Variants in GCNT1 observed in about 807,000 individuals in gnomAD.
GCNT1 encodes the protein beta-1,3-galactosyl-O-glycosyl-glycoprotein beta-1,6-N-acetylglucosaminyltransferase.
Under a neutral mutation model 26.2 loss-of-function variants are expected in GCNT1, and 16 were observed. The ratio of observed to expected loss-of-function variants is 0.61; its 90% CI spans 0.41 to 0.93. GCNT1 has a LOEUF of 0.93. Among genes scored for constraint, GCNT1 ranks in the 40% least tolerant of loss-of-function variants. The pLI, the probability that GCNT1 is intolerant of heterozygous loss-of-function variation, is 0.00. For synonymous variants in GCNT1, 183 were observed against 190.8 expected (o/e 0.96, Z 0.34); for missense variants, 477 against 526.7 (o/e 0.91, Z 0.92).
In GCNT1 at chr9:76,502,986, A is replaced by C. The variant is rs573750966; in HGVS notation, c.605A>C (p.Asp202Ala). The change falls in exon 4 of 4, where the codon GAT becomes GCT. Residue 202 changes from aspartate (D) to alanine (A), a missense_variant. Transcript: ENST00000376730. ...RVQADLNCMK[D>A]LYAMSANWKY... Reference sequence around the variant, plus strand: ...CAGGCTGACCTCAACTGCATGAAGGATCTCTATGCAATGAGTGCAAACTGG... The same window carrying C: ...CAGGCTGACCTCAACTGCATGAAGGCTCTCTATGCAATGAGTGCAAACTGG... 2 of 1,612,934 alleles carry C rather than the reference A, an allele frequency of 1.2e-6. No homozygotes were observed. Among genetic ancestry groups the C allele is most frequent in the Non-Finnish European group, 1.7e-6 (2 of 1,179,552 alleles).
upstream of GCNT1, among the ~76,000 whole-genome samples, chr9:76,456,791 G>A (rs1337452051): frequency 6.6e-6 from 1 of 152,118 alleles, no homozygotes; most frequent in Admixed American, 6.5e-5. Flanking sequence ...TGGGCAACAT[G>A]GTGAAACCCT....
chr9:76,443,724 T>C (rs1177814783), intron 1 of GCNT1, among the ~76,000 whole-genome samples: 2 of 152,082 alleles, frequency 1.3e-5, no homozygotes, highest in African/African-American at 4.8e-5. Context: ...CTACTAAAGA[T>C]ACAAAAGCTA....
chr9:76,447,316 T>G (rs980908887), intron 1 of GCNT1, among the ~76,000 whole-genome samples: 2 of 151,926 alleles, frequency 1.3e-5, no homozygotes, highest in East Asian at 1.9e-4. Context: ...CACCACTCAC[T>G]GCAGCCTCAA....
chr9:76,502,700 C>A lies in GCNT1; in HGVS notation c.319C>A (p.Arg107Ser). The stretch of plus-strand genomic sequence containing the variant: ...TGACTGTTCTTCTTTCATCAAGAGA[C>A]GCAAATATATTGTAGAACCCCTTAG... Reference protein sequence around the residue: ...TSDCSSFIKRRKYIVEPLSKE... With the variant: ...TSDCSSFIKRSKYIVEPLSKE... The change falls in exon 4 of 4, where the codon CGC becomes AGC. Residue 107 changes from arginine (R) to serine (S), a missense_variant. By Grantham distance (110) the Arg-to-Ser change is moderately radical. Transcript: ENST00000376730. 6.2e-7 allele frequency: 1 copy of A among 1,613,950 alleles called. No homozygotes were observed. The highest frequency in any genetic ancestry group is 8.5e-7 in the Non-Finnish European group (1 of 1,179,874).
At position 76,502,675 on chromosome 9, in the gene GCNT1, T is replaced by A. The variant is rs774406019; in HGVS notation, c.294T>A (p.Ser98Arg). Residue 98 changes from serine to arginine, a missense_variant, in exon 4 of 4, where the codon AGT becomes AGA. Ser to Arg is a moderately radical substitution (Grantham distance 110). Transcript: ENST00000376730. Reference protein sequence around the residue: ...WTPDDYINMTSDCSSFIKRRK... With the variant: ...WTPDDYINMTRDCSSFIKRRK... Reference sequence around the variant, plus strand: ...CTGACGACTATATAAACATGACCAGTGACTGTTCTTCTTTCATCAAGAGAC... The same window carrying A: ...CTGACGACTATATAAACATGACCAGAGACTGTTCTTCTTTCATCAAGAGAC... The A allele has an allele frequency of 6.2e-7, 1 of 1,614,166 alleles. No individual in the cohort carries two copies. Among genetic ancestry groups the A allele is most frequent in the Non-Finnish European group, 8.5e-7 (1 of 1,180,010 alleles).
chr9:76,477,825 T>C (rs549781298), intron 2 of GCNT1, among the ~76,000 whole-genome samples: 26 of 152,326 alleles, frequency 1.7e-4, no homozygotes, highest in Admixed American at 1.7e-3. Flanking sequence ...ACCATGCTAC[T>C]TTCTGCCTCT....
upstream of GCNT1, among the ~76,000 whole-genome samples, chr9:76,454,817 G>A (rs920753956): frequency 6.7e-6 from 1 of 149,332 alleles, no homozygotes; most frequent in African/African-American, 2.5e-5. Context: ...GCAAAACTGT[G>A]AGTCAATTAA....
chr9:76,424,680 T>G (rs964459462), intron 1 of GCNT1, among the ~76,000 whole-genome samples: 1 of 152,234 alleles, frequency 6.6e-6, no homozygotes, highest in Non-Finnish European at 1.5e-5. Flanking sequence ...GATAGATAAC[T>G]AAATCTCTTT....
At chr9:76,481,235 G>A (rs993484618) in intron 2 of GCNT1, among the ~76,000 whole-genome samples, 6 of 151,936 alleles carry the variant, frequency 3.9e-5, no homozygotes, top group Non-Finnish European at 1.5e-5. Context: ...ATATATATGG[G>A]ATTAAATGGT....
chr9:76,410,858 T>G, the GCNT1 span, among the ~76,000 whole-genome samples: 1 of 152,230 alleles, frequency 6.6e-6, no homozygotes, highest in African/African-American at 2.4e-5. Context: ...CCCCACATAT[T>G]TTACAACTTT....
intron 3 of GCNT1, chr9:76,501,607 T>C (rs1825071883): frequency 6.6e-6 from 1 of 152,252 alleles, no homozygotes; most frequent in Admixed American, 6.5e-5. Context: ...TTGTTTCATC[T>C]GAGCCTTTTC....
intron 1 of GCNT1, among the ~76,000 whole-genome samples, chr9:76,443,996 A>G (rs907644793): frequency 6.6e-6 from 1 of 151,706 alleles, no homozygotes; most frequent in African/African-American, 2.4e-5. Flanking sequence ...GAAGGAAGAA[A>G]AAAAGAGCCA....
intron 2 of GCNT1, among the ~76,000 whole-genome samples, chr9:76,470,681 G>A (rs974129274): frequency 6.6e-6 from 1 of 150,818 alleles, no homozygotes; most frequent in Non-Finnish European, 1.5e-5. Flanking sequence ...CTCTTGAAAT[G>A]TGTACATTTT....
intron 2 of GCNT1, among the ~76,000 whole-genome samples, chr9:76,500,341 T>C (rs371447119): frequency 1.3e-5 from 2 of 152,218 alleles, no homozygotes; most frequent in East Asian, 1.9e-4. Context: ...AATGATTCCA[T>C]AGAGATTTCC....
upstream of GCNT1, among the ~76,000 whole-genome samples, chr9:76,439,223 CTTTTTTT>C (rs71499153): frequency 7.0e-4 from 84 of 120,106 alleles, no homozygotes; most frequent in African/African-American, 2.5e-3. Flanking sequence ...TTTTCTTTTT[CTTTTTTT>C]TTTTTTTTTT....
At chr9:76,448,954 A>C (rs527382014) in intron 1 of GCNT1, among the ~76,000 whole-genome samples, 3 of 152,302 alleles carry the variant, frequency 2.0e-5, no homozygotes, top group South Asian at 2.1e-4. Context: ...GAAATGCTAA[A>C]TTTACTATTA....
At chr9:76,411,546 C>G in the GCNT1 span, among the ~76,000 whole-genome samples, 1 of 151,650 alleles carries the variant, frequency 6.6e-6, no homozygotes, top group Non-Finnish European at 1.5e-5. Flanking sequence ...CCAGGCTGGT[C>G]TTGAAATCCT....
chr9:76,492,701 T>C (rs890571092), intron 2 of GCNT1, among the ~76,000 whole-genome samples: 5 of 151,146 alleles, frequency 3.3e-5, no homozygotes, highest in Non-Finnish European at 5.9e-5. Context: ...TTGTTTCTCG[T>C]TGGACAATCT....
At chr9:76,450,079 G>T (rs1823640650) in intron 1 of GCNT1, among the ~76,000 whole-genome samples, 1 of 151,944 alleles carries the variant, frequency 6.6e-6, no homozygotes, top group Non-Finnish European at 1.5e-5. Context: ...GGCCCTATTC[G>T]CCTCTTTTTA....
Sources: allele counts gnomAD v4.1 joint callset (sites outside exome capture counted in the v4.1 genomes callset), GRCh38; gene constraint gnomAD v4.1.1; transcripts MANE v1.5; gene names NCBI Gene and HGNC (gene_info 2026-07-23, HGNC 2026-07-21).